NRXN1: variants seen among roughly 807,000 people sequenced by gnomAD.
NRXN1 encodes neurexin-1.
In NRXN1, 39 loss-of-function variants were observed where a neutral mutation model predicts 150.9. That is an observed-to-expected ratio of 0.26 (90% CI 0.20 to 0.34). NRXN1 has a LOEUF of 0.34. Ranked by LOEUF, NRXN1 falls within the 10% of genes least tolerant of loss-of-function variation. The pLI, the probability that NRXN1 is intolerant of heterozygous loss-of-function variation, is 1.00. For missense variants in NRXN1, 1,815 were observed against 1,949.9 expected, an observed-to-expected ratio of 0.93 and a Z score of 1.30; for synonymous variants, 924 against 757.0, an observed-to-expected ratio of 1.22 and a Z score of -3.62.
intron 17 of NRXN1, among the ~76,000 whole-genome samples, chr2:50,329,397 T>A (rs533063541): frequency 6.6e-6 from 1 of 150,884 alleles, no homozygotes; most frequent in African/African-American, 2.4e-5. Flanking sequence ...AAAATAATAA[T>A]TGCAATCTGG....
intron 21 of NRXN1, among the ~76,000 whole-genome samples, chr2:50,039,003 C>A (rs535113728): frequency 1.3e-5 from 2 of 151,752 alleles, no homozygotes; most frequent in Admixed American, 1.3e-4. Context: ...TGTGGTGAAA[C>A]CTCGTCTCTA....
chr2:50,405,960 T>C (rs2082723057), intron 17 of NRXN1, among the ~76,000 whole-genome samples: 1 of 152,170 alleles, frequency 6.6e-6, no homozygotes, highest in Non-Finnish European at 1.5e-5. Flanking sequence ...ATCATTGTTT[T>C]ATAGATGAGG....
Position 50,432,825 on chromosome 2 carries a change from G to A in NRXN1, c.3364+32617C>T, listed in dbSNP as rs143710379. Among the ~76,000 whole-genome samples the A allele has an allele frequency of 4.7e-4, 72 of 152,228 alleles. No individual in the cohort carries two copies. The East Asian group carries it at 0.013, about 28-fold the overall frequency. ...CTGATAGCATCCAATACAATTCAAG[G>A]TAGATTTTTTTAGTTGTTAACCAAC... On this transcript the variant is annotated intron_variant, in intron 17 of 22. Transcript: ENST00000401669.
intron 17 of NRXN1, among the ~76,000 whole-genome samples, chr2:50,376,983 A>C (rs2080556660): frequency 6.6e-6 from 1 of 150,480 alleles, no homozygotes; most frequent in African/African-American, 2.4e-5. Flanking sequence ...TAAATGAGTA[A>C]GGGATTTCCT....
rs58153130 is a variant in NRXN1 at position 50,055,169 on chromosome 2, T to G, written c.3719-125A>C. On this transcript the variant is annotated intron_variant, in intron 19 of 22. Coordinates refer to ENST00000401669, the MANE Select transcript of NRXN1 (RefSeq NM_001330078.2). The stretch of plus-strand genomic sequence containing the variant: ...TTTGAAATTTGGAATTTTAAAAAGT[T>G]CTACCTAGAACATTTCATGTTTCAG... The G allele has an allele frequency of 2.9e-3, 1,777 of 614,362 alleles. 35 individuals are homozygous for G. In the African/African-American group the frequency reaches 0.032, roughly 11 times the overall value. The allele number at this position is 614,362 out of a possible 1,614,324, so 38.1% of individuals were successfully genotyped here. A position where few individuals can be genotyped will look rare whatever the true frequency, so the allele number is the denominator to read the frequency against.
intron 5 of NRXN1, among the ~76,000 whole-genome samples, chr2:50,715,641 G>A (rs1175224901): frequency 6.6e-6 from 1 of 152,090 alleles, no homozygotes; most frequent in Non-Finnish European, 1.5e-5. Context: ...CTCACTGAAA[G>A]TGAAGTCATC....
chr2:50,335,727 G>T (rs770719105), intron 17 of NRXN1, among the ~76,000 whole-genome samples: 1 of 152,232 alleles, frequency 6.6e-6, no homozygotes, highest in East Asian at 1.9e-4. Context: ...TGTTAACATC[G>T]TGTTGTCCTC....
intron 5 of NRXN1, among the ~76,000 whole-genome samples, chr2:50,894,145 C>A (rs202042571): frequency 6.6e-6 from 1 of 151,518 alleles, no homozygotes. Flanking sequence ...TGCTAGATGA[C>A]GAGTTAGTGG....
At chr2:50,310,577 AAG>A (rs1199758111) in intron 17 of NRXN1, among the ~76,000 whole-genome samples, 1 of 152,192 alleles carries the variant, frequency 6.6e-6, no homozygotes. Context: ...ACTCTTATTA[AAG>A]AATAATAAAT....
intron 5 of NRXN1, among the ~76,000 whole-genome samples, chr2:50,626,422 G>A (rs527978809): frequency 6.6e-6 from 1 of 151,980 alleles, no homozygotes; most frequent in Non-Finnish European, 1.5e-5. Flanking sequence ...AAATGCATTA[G>A]GATAGGTAAA....
At chr2:50,099,264 G>C (rs1558875832) in intron 18 of NRXN1, among the ~76,000 whole-genome samples, 1 of 151,944 alleles carries the variant, frequency 6.6e-6, no homozygotes, top group Non-Finnish European at 1.5e-5. Flanking sequence ...CTTTAGGGTA[G>C]GAAAAAAGCC....
At chr2:50,363,789 C>T (rs1289913685) in intron 17 of NRXN1, among the ~76,000 whole-genome samples, 1 of 152,178 alleles carries the variant, frequency 6.6e-6, no homozygotes, top group African/African-American at 2.4e-5. Context: ...GACATATGCA[C>T]ATTTATGTTT....
At chr2:50,900,469 A>C (rs1251945742) in intron 5 of NRXN1, among the ~76,000 whole-genome samples, 2 of 152,182 alleles carry the variant, frequency 1.3e-5, no homozygotes, top group African/African-American at 4.8e-5. Context: ...TGTCAGTATC[A>C]ATTAAACAAA....
chr2:50,273,861 A>G (rs2070049838), intron 17 of NRXN1, among the ~76,000 whole-genome samples: 1 of 152,174 alleles, frequency 6.6e-6, no homozygotes, highest in Non-Finnish European at 1.5e-5. Context: ...GCGATCATTA[A>G]AAAGTCAGGA....
At chr2:50,053,163 G>A (rs989876011) in intron 21 of NRXN1, 108 bp downstream of exon 21, 3 of 1,096,354 alleles carry the variant, frequency 2.7e-6, no homozygotes, top group African/African-American at 3.1e-5. Flanking sequence ...AAGCTGTAGT[G>A]CCTAAGATCA....
intron 17 of NRXN1, among the ~76,000 whole-genome samples, chr2:50,273,381 C>T (rs768297861): frequency 6.6e-6 from 1 of 152,152 alleles, no homozygotes; most frequent in African/African-American, 2.4e-5. Context: ...TTTCCATTTT[C>T]CACTTTCTTT....
chr2:50,547,942 T>G (rs993122302), intron 9 of NRXN1, among the ~76,000 whole-genome samples: 1 of 152,164 alleles, frequency 6.6e-6, no homozygotes, highest in Admixed American at 6.5e-5. Context: ...TGTCTCAGAT[T>G]GGAAGAAGGA....
At chr2:50,078,518 T>A (rs2152680435) in intron 19 of NRXN1, among the ~76,000 whole-genome samples, 1 of 152,196 alleles carries the variant, frequency 6.6e-6, no homozygotes, top group African/African-American at 2.4e-5. Flanking sequence ...ATACACTTTA[T>A]TTTGTTTTAC....
At chr2:50,016,228 A>G (rs536154348) in intron 21 of NRXN1, among the ~76,000 whole-genome samples, 5 of 152,132 alleles carry the variant, frequency 3.3e-5, no homozygotes, top group African/African-American at 4.8e-5. Flanking sequence ...GATAAAATGT[A>G]TGAGTCTCAG....
Sources: gnomAD v4.1 joint callset for allele counts (sites outside exome capture counted in the v4.1 genomes callset) on GRCh38, gnomAD v4.1.1 for gene constraint, MANE v1.5 for transcripts, NCBI Gene and HGNC (gene_info 2026-07-23, HGNC 2026-07-21) for gene names.